NCAM2: variants seen among roughly 807,000 people sequenced by gnomAD.
NCAM2 encodes the protein N-CAM-2.
A neutral mutation model predicts 98.1 loss-of-function variants in NCAM2; 30 were observed. That is an observed-to-expected ratio of 0.31 (90% CI 0.23 to 0.41). The LOEUF is 0.41. Among genes scored for constraint, NCAM2 ranks in the 10% least tolerant of loss-of-function variants. The pLI, the probability that NCAM2 is intolerant of heterozygous loss-of-function variation, is 1.00. For synonymous variants in NCAM2, 368 were observed against 342.4 expected (o/e 1.07, Z -0.83); for missense variants, 867 against 1,005.8 (o/e 0.86, Z 1.87).
At chr21:21,026,812 A>G (rs897535787) in intron 1 of NCAM2, among the ~76,000 whole-genome samples, 1 of 148,962 alleles carries the variant, frequency 6.7e-6, no homozygotes, top group African/African-American at 2.5e-5. Flanking sequence ...TTAATCCTAT[A>G]TGAGATTTTT....
At chr21:21,499,770 GA>G (rs1366448661) in intron 15 of NCAM2, among the ~76,000 whole-genome samples, 20 of 152,134 alleles carry the variant, frequency 1.3e-4, no homozygotes, top group Admixed American at 6.6e-4. Flanking sequence ...GAGCCTAAAA[GA>G]GCATTTTCAT....
chr21:21,285,330 A>C (rs570375702), intron 3 of NCAM2, among the ~76,000 whole-genome samples: 1 of 151,860 alleles, frequency 6.6e-6, no homozygotes, highest in African/African-American at 2.4e-5. Context: ...CAAAGTCGGA[A>C]CATTCCTACA....
intron 1 of NCAM2, among the ~76,000 whole-genome samples, chr21:21,126,003 A>G (rs2016957461): frequency 6.6e-6 from 1 of 151,744 alleles, no homozygotes; most frequent in Admixed American, 6.6e-5. Context: ...TTTAAGCCAG[A>G]GAATTACTAA....
At chr21:21,291,955 T>A in intron 4 of NCAM2, 149 bp from the exon 5 acceptor site, 1 of 649,040 alleles carries the variant, frequency 1.5e-6, no homozygotes, top group Non-Finnish European at 2.4e-6. Flanking sequence ...GTCATGAAAT[T>A]ACATTTTACT....
intron 14 of NCAM2, among the ~76,000 whole-genome samples, chr21:21,469,613 TA>T (rs1192437361): frequency 1.3e-5 from 2 of 151,992 alleles, no homozygotes; most frequent in African/African-American, 4.8e-5. Flanking sequence ...AGATCATGTT[TA>T]AAATAATTAC....
chr21:21,040,246 A>G (rs894234184), intron 1 of NCAM2, among the ~76,000 whole-genome samples: 2 of 152,042 alleles, frequency 1.3e-5, no homozygotes, highest in Admixed American at 1.3e-4. Flanking sequence ...ATTATTAAAG[A>G]CTCATGAAGC....
intron 1 of NCAM2, among the ~76,000 whole-genome samples, chr21:21,041,884 A>T (rs1054194453): frequency 6.6e-6 from 1 of 152,180 alleles, no homozygotes; most frequent in African/African-American, 2.4e-5. Flanking sequence ...GAAATTCCAT[A>T]TACCTGGTAT....
chr21:21,503,640 T>A (rs916283840), intron 15 of NCAM2, among the ~76,000 whole-genome samples: 10 of 151,966 alleles, frequency 6.6e-5, no homozygotes, highest in Non-Finnish European at 1.2e-4. Context: ...GACTACTGTA[T>A]ATAAGACATT....
At chr21:21,201,998 A>C (rs1045288571) in intron 1 of NCAM2, among the ~76,000 whole-genome samples, 35 of 152,182 alleles carry the variant, frequency 2.3e-4, no homozygotes, top group African/African-American at 8.0e-4. Context: ...AGGTCTATGC[A>C]TCAGTGTCGC....
intron 1 of NCAM2, among the ~76,000 whole-genome samples, chr21:21,176,246 A>G (rs1487199709): frequency 1.3e-5 from 2 of 152,184 alleles, no homozygotes; most frequent in Admixed American, 6.5e-5. Flanking sequence ...GATCAAATCA[A>G]TCATACATTA....
chr21:21,457,293 C>G (rs528726890), intron 12 of NCAM2, among the ~76,000 whole-genome samples: 28 of 152,218 alleles, frequency 1.8e-4, no homozygotes, highest in African/African-American at 6.3e-4. Context: ...GATGAGGTCT[C>G]AGACAAAAAT....
At chr21:21,082,281 CA>C (rs11384165) in intron 1 of NCAM2, among the ~76,000 whole-genome samples, 7,470 of 127,800 alleles carry the variant, frequency 0.058, 677 homozygotes, top group African/African-American at 0.21. Flanking sequence ...GAGCTCAAAA[CA>C]AAAAAAAAAA....
intron 7 of NCAM2, among the ~76,000 whole-genome samples, chr21:21,336,507 T>C (rs1489015557): frequency 2.0e-5 from 3 of 151,910 alleles, no homozygotes; most frequent in Non-Finnish European, 4.4e-5. Context: ...ATGGCACATG[T>C]ATACATATGT....
intron 1 of NCAM2, among the ~76,000 whole-genome samples, chr21:21,011,277 A>T (rs1416479492): frequency 6.6e-6 from 1 of 152,132 alleles, no homozygotes; most frequent in Non-Finnish European, 1.5e-5. Flanking sequence ...GCATCTAATA[A>T]GGGAAGGATC....
chr21:21,000,556 G>A lies in NCAM2; in HGVS notation c.55+1938G>A, dbSNP rs529282213. Among the ~76,000 whole-genome samples, 20 of 152,172 alleles carry A rather than the reference G, an allele frequency of 1.3e-4. No individual in the cohort carries two copies. In the South Asian group the frequency reaches 3.9e-3, roughly 30 times the overall value. ...TCAGCTAATTTGTAAGTCAGGATAC[G>A]AGGTGGTTATGAAGAGGCACTCTGA... On this transcript the variant is annotated intron_variant, in intron 1 of 17. Coordinates refer to ENST00000400546, the MANE Select transcript of NCAM2 (RefSeq NM_004540.5).
At chr21:21,331,506 A>ACTCTCTCTCTCT (rs149944110) in intron 6 of NCAM2, among the ~76,000 whole-genome samples, 19 of 4,662 alleles carry the variant, frequency 4.1e-3, no homozygotes, top group Admixed American at 0.018. Flanking sequence ...TATACTCTAT[A>ACTCTCTCTCTCT]CTCTCTCTCT....
intron 1 of NCAM2, chr21:21,226,850 C>G (rs964995312): frequency 2.6e-5 from 4 of 151,938 alleles, no homozygotes; most frequent in Non-Finnish European, 5.9e-5. Context: ...CACAAGGGTA[C>G]TTTAACATTA....
chr21:21,111,250 T>C (rs8131387), intron 1 of NCAM2, among the ~76,000 whole-genome samples: 9,491 of 152,244 alleles, frequency 0.062, 347 homozygotes, highest in East Asian at 0.17. Flanking sequence ...TTCTATTTTA[T>C]TTTGCTATTC....
chr21:21,535,605 A>G (rs938602022), intron 17 of NCAM2, among the ~76,000 whole-genome samples: 3 of 152,086 alleles, frequency 2.0e-5, no homozygotes, highest in African/African-American at 7.2e-5. Flanking sequence ...CTCTATAGAA[A>G]AAAATTTAAT....
Sources: gnomAD v4.1 joint callset for allele counts (sites outside exome capture counted in the v4.1 genomes callset) on GRCh38, gnomAD v4.1.1 for gene constraint, MANE v1.5 for transcripts, NCBI Gene and HGNC (gene_info 2026-07-23, HGNC 2026-07-21) for gene names.